THOC7: variants seen among roughly 807,000 people sequenced by gnomAD.
THOC7 encodes the protein NIF3L1-binding protein 1.
THOC7 carries 22 observed loss-of-function variants against 33.1 expected under a neutral mutation model. The ratio of observed to expected loss-of-function variants is 0.66; its 90% confidence interval spans 0.47 to 0.95. The LOEUF is 0.95. Ranked by LOEUF, THOC7 falls within the 40% of genes least tolerant of loss-of-function variation. The pLI is 0.00. For missense variants in THOC7, 184 were observed against 245.3 expected (o/e 0.75, Z 1.67); for synonymous variants, 77 against 76.8 (o/e 1.00, Z -0.01).
chr3:63,850,584 CCTTT>C (rs1205111479), intron 1 of THOC7, among the ~76,000 whole-genome samples: 4 of 141,090 alleles, frequency 2.8e-5, no homozygotes, highest in Non-Finnish European at 4.5e-5. Flanking sequence ...TTCTTTCTTT[CCTTT>C]TTTTTTTTTT....
At chr3:63,840,902 T>A (rs921779323) in intron 1 of THOC7, among the ~76,000 whole-genome samples, 1 of 152,220 alleles carries the variant, frequency 6.6e-6, no homozygotes, top group Non-Finnish European at 1.5e-5. Flanking sequence ...AAAAACACAC[T>A]ACCATTCTGA....
At chr3:63,857,616 T>A (rs995529713) in intron 1 of THOC7, among the ~76,000 whole-genome samples, 1 of 152,196 alleles carries the variant, frequency 6.6e-6, no homozygotes, top group African/African-American at 2.4e-5. Flanking sequence ...AAACAATTTT[T>A]AAGGTCAACA....
chr3:63,844,249 C>G (rs1040184720), intron 1 of THOC7, among the ~76,000 whole-genome samples: 1 of 152,112 alleles, frequency 6.6e-6, no homozygotes, highest in Non-Finnish European at 1.5e-5. Context: ...TACATACTTA[C>G]AGTTAGGCAA....
Position 63,844,205 on chromosome 3 carries a change from G to A in THOC7, c.20-4432C>T, listed in dbSNP as rs1036437126. ...GGTTACCAAAGGCTGGGGTGGCTAG[G>A]GAGAAGGAGGTTGGGGAAATGTTAG... On this transcript the variant is annotated intron_variant, in intron 1 of 7. Transcript: ENST00000295899. Among the ~76,000 whole-genome samples, 6 of 152,162 alleles carry A rather than the reference G, an allele frequency of 3.9e-5. No homozygotes were observed. The East Asian group carries it at 9.6e-4, about 24-fold the overall frequency.
Position 63,834,082 on chromosome 3 carries a change from G to T in THOC7, c.*50C>A. ...GCATACCACATTTTAAACACATTAT[G>T]GTCATGTAGCTATTTCAATATTCCT... On this transcript the variant is annotated 3_prime_UTR_variant, in exon 8 of 8. Coordinates refer to ENST00000295899, the MANE Select transcript of THOC7 (RefSeq NM_025075.4). 8.2e-6 allele frequency: 13 copies of T among 1,579,388 alleles called. No homozygotes were observed. Among genetic ancestry groups the T allele is most frequent in the Non-Finnish European group, 1.1e-5 (13 of 1,150,096 alleles).
chr3:63,846,257 G>A (rs755057130), intron 1 of THOC7: 7 of 442,116 alleles, frequency 1.6e-5, no homozygotes, highest in South Asian at 6.4e-5. Flanking sequence ...TAAGAGAATC[G>A]TCTGAAAAAT....
At chr3:63,846,269 A>G in intron 1 of THOC7, 1 of 440,546 alleles carries the variant, frequency 2.3e-6, no homozygotes, top group South Asian at 1.6e-5. Flanking sequence ...CTGAAAAATC[A>G]GGAGATAATC....
At chr3:63,862,981 A>AG (rs1702262894) in intron 1 of THOC7, among the ~76,000 whole-genome samples, 1 of 151,780 alleles carries the variant, frequency 6.6e-6, no homozygotes, top group African/African-American at 2.4e-5. Context: ...TTCCTAACAC[A>AG]CACACATACA....
intron 1 of THOC7, chr3:63,863,447 T>C (rs892496408): frequency 9.6e-5 from 108 of 1,130,276 alleles, no homozygotes; most frequent in Non-Finnish European, 1.1e-4. Flanking sequence ...GCACCGCTTC[T>C]AGCCGTCTCG....
chr3:63,857,041 A>G (rs1375030059), intron 1 of THOC7, among the ~76,000 whole-genome samples: 1 of 152,068 alleles, frequency 6.6e-6, no homozygotes, highest in Non-Finnish European at 1.5e-5. Context: ...TCTTATCCCT[A>G]TTTTACCAAT....
chr3:63,845,740 A>G (rs985177251), intron 1 of THOC7, among the ~76,000 whole-genome samples: 4 of 152,194 alleles, frequency 2.6e-5, no homozygotes, highest in African/African-American at 9.7e-5. Context: ...TGGCTTTGGA[A>G]GACCCAATAT....
intron 4 of THOC7, among the ~76,000 whole-genome samples, chr3:63,837,338 A>T (rs1248834532): frequency 6.6e-6 from 1 of 151,646 alleles, no homozygotes; most frequent in Non-Finnish European, 1.5e-5. Context: ...TACACATTAT[A>T]TTTTTTATTT....
At position 63,856,867 on chromosome 3, in the gene THOC7, G is replaced by A. The variant is rs187373485; in HGVS notation, c.19+6905C>T. On this transcript the variant is annotated intron_variant, in intron 1 of 7. Coordinates refer to ENST00000295899, the MANE Select transcript of THOC7 (RefSeq NM_025075.4). ...CAAGTAGCTGGGACTACAGGCGCCCGCTACCACGCCCAGCTAATTCTTTTG... is the reference window on the plus strand; with the variant it reads ...CAAGTAGCTGGGACTACAGGCGCCCACTACCACGCCCAGCTAATTCTTTTG... Among the ~76,000 whole-genome samples the A allele has an allele frequency of 2.2e-3, 337 of 152,142 alleles. 3 individuals are homozygous for A. The highest frequency in any genetic ancestry group is 6.8e-3 in the African/African-American group (284 of 41,514).
intron 1 of THOC7, among the ~76,000 whole-genome samples, chr3:63,852,762 G>T (rs1017029549): frequency 1.3e-5 from 2 of 152,160 alleles, no homozygotes; most frequent in African/African-American, 4.8e-5. Context: ...GATTGTAACT[G>T]GGAAAAGCCC....
intron 1 of THOC7, among the ~76,000 whole-genome samples, chr3:63,847,008 C>G (rs1214901687): frequency 6.6e-6 from 1 of 152,084 alleles, no homozygotes; most frequent in African/African-American, 2.4e-5. Flanking sequence ...CCTAAAACAG[C>G]AGTTTCCAAA....
At chr3:63,837,613 C>A (rs1163348189) in intron 4 of THOC7, among the ~76,000 whole-genome samples, 3 of 151,714 alleles carry the variant, frequency 2.0e-5, no homozygotes, top group Non-Finnish European at 2.9e-5. Flanking sequence ...AAACAAAAAA[C>A]CCAAACCATA....
intron 1 of THOC7, among the ~76,000 whole-genome samples, chr3:63,858,110 T>C (rs1702145276): frequency 6.6e-6 from 1 of 152,226 alleles, no homozygotes; most frequent in Admixed American, 6.5e-5. Context: ...CAGCAAACAC[T>C]TGCACAGCAT....
At chr3:63,854,635 T>C (rs2107158799) in intron 1 of THOC7, 1 of 152,352 alleles carries the variant, frequency 6.6e-6, no homozygotes, top group Admixed American at 6.5e-5. Flanking sequence ...GTTTTCCACC[T>C]GGCTTTAGGC....
intron 1 of THOC7, among the ~76,000 whole-genome samples, chr3:63,859,459 T>C (rs1466467055): frequency 1.3e-5 from 2 of 152,208 alleles, no homozygotes; most frequent in African/African-American, 4.8e-5. Flanking sequence ...CTCTAAAGGG[T>C]GCAGAGCTTG....
Sources: allele counts gnomAD v4.1 joint callset (sites outside exome capture counted in the v4.1 genomes callset), GRCh38; gene constraint gnomAD v4.1.1; transcripts MANE v1.5; gene names NCBI Gene and HGNC (gene_info 2026-07-23, HGNC 2026-07-21).